Variants in TUBGCP3 observed in about 807,000 individuals in gnomAD.
The protein encoded by TUBGCP3 is tubulin gamma complex component 3.
In TUBGCP3, 50 loss-of-function variants were observed where a neutral mutation model predicts 123.1. The ratio of observed to expected loss-of-function variants is 0.41; its 90% CI spans 0.32 to 0.51. The LOEUF (loss-of-function observed/expected upper bound fraction) is 0.51, where lower values mean the gene tolerates loss of function less well. TUBGCP3 is among the 20% of genes least tolerant of loss of function. The pLI is 0.36. For synonymous variants in TUBGCP3, 405 were observed against 413.9 expected (o/e 0.98, Z 0.26); for missense variants, 882 against 1,127.0 (o/e 0.78, Z 3.11).
At chr13:112,588,999 C>G (rs1882811827), upstream of TUBGCP3, among the ~76,000 whole-genome samples, 1 of 152,180 alleles carries the variant, frequency 6.6e-6, no homozygotes, top group Non-Finnish European at 1.5e-5. Flanking sequence ...AACATGGAGA[C>G]AAAGCAGACT....
At chr13:112,588,600 G>A (rs1386940658), upstream of TUBGCP3, among the ~76,000 whole-genome samples, 1 of 152,194 alleles carries the variant, frequency 6.6e-6, no homozygotes, top group African/African-American at 2.4e-5. Context: ...TGCCGCGCGG[G>A]CCGGTCCCCC....
intron 20 of TUBGCP3, among the ~76,000 whole-genome samples, chr13:112,497,123 A>G (rs1880582344): frequency 6.6e-6 from 1 of 152,224 alleles, no homozygotes; most frequent in Non-Finnish European, 1.5e-5. Flanking sequence ...TGCCTACTAA[A>G]TAAGCGTCAT....
chr13:112,544,952 A>G, intron 11 of TUBGCP3: 2 of 152,328 alleles, frequency 1.3e-5, no homozygotes, highest in East Asian at 3.8e-4. Flanking sequence ...CACTGCAGCC[A>G]GCAGCGCCCA....
intron 20 of TUBGCP3, among the ~76,000 whole-genome samples, chr13:112,492,616 C>T (rs557156265): frequency 6.6e-6 from 1 of 152,168 alleles, no homozygotes; most frequent in South Asian, 2.1e-4. Context: ...GCCTGGTGTG[C>T]CTGAGACGCT....
chr13:112,593,837 C>T, the TUBGCP3 span, among the ~76,000 whole-genome samples: 4 of 151,660 alleles, frequency 2.6e-5, no homozygotes, highest in African/African-American at 9.7e-5. Flanking sequence ...CAGAAATATG[C>T]CAAATCAGGA....
Position 112,544,241 on chromosome 13 carries a change from C to A in TUBGCP3, c.1335+1458G>T, listed in dbSNP as rs1419861419. On this transcript the variant is annotated intron_variant, in intron 11 of 21. Transcript: ENST00000261965. ...GGCCAAGGCGGGCAGATCACAAGGTCAGGAGATCGAGACCATCCTGGCTAA... is the reference window on the plus strand; with the variant it reads ...GGCCAAGGCGGGCAGATCACAAGGTAAGGAGATCGAGACCATCCTGGCTAA... 1.2e-4 allele frequency among the ~76,000 whole-genome samples: 18 copies of A among 151,980 alleles called. 1 individual carries two copies. Among genetic ancestry groups the A allele is most frequent in the Admixed American group, 1.2e-3 (18 of 15,258 alleles).
At position 112,565,059 on chromosome 13, in the gene TUBGCP3, T is replaced by TC. The variant is rs1566582839; in HGVS notation, c.252+51dup. 9.4e-6 allele frequency: 14 copies of TC among 1,494,846 alleles called. No homozygotes were observed. In the East Asian group the frequency reaches 3.2e-4, roughly 34 times the overall value. The allele number at this position is 1,494,846 out of a possible 1,614,324, so 92.6% of individuals were successfully genotyped here. ...AAACATTCAAAGGTTCCTATACCAC[T>TC]CATCATATCCTCAACAATGAGTGCA... is the stretch of plus-strand genomic sequence containing the variant. On this transcript the variant is annotated intron_variant, in intron 3 of 21. Coordinates refer to ENST00000261965, the MANE Select transcript of TUBGCP3 (RefSeq NM_006322.6).
At chr13:112,589,424 A>G (rs1004938673), upstream of TUBGCP3, among the ~76,000 whole-genome samples, 1 of 152,194 alleles carries the variant, frequency 6.6e-6, no homozygotes, top group African/African-American at 2.4e-5. Flanking sequence ...AAGGTATTAC[A>G]CTGGTTATGC....
intron 8 of TUBGCP3, among the ~76,000 whole-genome samples, chr13:112,549,277 T>C (rs574458213): frequency 5.3e-4 from 80 of 151,854 alleles, no homozygotes; most frequent in Non-Finnish European, 9.0e-4. Flanking sequence ...CAGGTGGGAA[T>C]TGAACAATGA....
At chr13:112,527,661 T>C (rs1397808206) in intron 11 of TUBGCP3, among the ~76,000 whole-genome samples, 177 bp from the exon 12 acceptor site, 14 of 152,264 alleles carry the variant, frequency 9.2e-5, no homozygotes, top group Admixed American at 9.2e-4. Flanking sequence ...AATTGAACTA[T>C]GTATTTCCTA....
chr13:112,548,214 T>A (rs756486017), intron 8 of TUBGCP3, 38 bp from the exon 9 acceptor site: 25 of 1,496,482 alleles, frequency 1.7e-5, no homozygotes, highest in Non-Finnish European at 2.1e-5. Flanking sequence ...CACGACACAC[T>A]CATTACACAT....
intron 12 of TUBGCP3, 111 bp from the exon 13 acceptor site, chr13:112,527,161 C>T: frequency 1.0e-6 from 1 of 953,338 alleles, no homozygotes; most frequent in South Asian, 1.6e-5. Flanking sequence ...CTAACAAGAG[C>T]ATCTGCTACA....
chr13:112,504,717 G>A lies in TUBGCP3; in HGVS notation c.2087-3C>T. On this transcript the variant is annotated splice_polypyrimidine_tract_variant and splice_region_variant and intron_variant, in intron 17 of 21. Transcript: ENST00000261965. ...CTGGTGCAGCACCCCGGAGAACTCT[G>A]CAAGGGAAGAGTTGACGTCAGAGGT... 6.2e-7 allele frequency: 1 copy of A among 1,612,586 alleles called. No individual in the cohort carries two copies. Among genetic ancestry groups the A allele is most frequent in the African/African-American group, 1.3e-5 (1 of 74,980 alleles).
At chr13:112,547,432 C>A (rs1181161124) in intron 10 of TUBGCP3, 188 bp downstream of exon 10, 1 of 1,004,512 alleles carries the variant, frequency 1.0e-6, no homozygotes, top group East Asian at 3.2e-5. Context: ...AGGACAAAAA[C>A]GGGCAGGACA....
intron 17 of TUBGCP3, among the ~76,000 whole-genome samples, chr13:112,513,185 T>C (rs551729207): frequency 1.3e-5 from 2 of 152,350 alleles, no homozygotes; most frequent in South Asian, 4.1e-4. Context: ...ATTGGTCCAT[T>C]TCATTTTGTG....
intron 17 of TUBGCP3, among the ~76,000 whole-genome samples, chr13:112,506,157 C>T (rs1181327046): frequency 2.0e-5 from 3 of 152,206 alleles, no homozygotes; most frequent in African/African-American, 7.2e-5. Flanking sequence ...TTAGACAATG[C>T]ACCTTTCAGA....
upstream of TUBGCP3, chr13:112,588,156 G>A (rs1382626131): frequency 2.1e-6 from 1 of 478,926 alleles, no homozygotes; most frequent in Non-Finnish European, 3.5e-6. Flanking sequence ...GAAAGCGCGG[G>A]CGCTTCCCAC....
intron 1 of TUBGCP3, among the ~76,000 whole-genome samples, chr13:112,569,993 G>C (rs1189417804): frequency 6.6e-6 from 1 of 152,100 alleles, no homozygotes; most frequent in African/African-American, 2.4e-5. Flanking sequence ...GCCCAGGCAG[G>C]CTCAGGAAAG....
At chr13:112,561,985 T>C (rs1211286159) in intron 3 of TUBGCP3, among the ~76,000 whole-genome samples, 2 of 152,158 alleles carry the variant, frequency 1.3e-5, no homozygotes, top group Admixed American at 1.3e-4. Flanking sequence ...TGAAAACCAT[T>C]TGATACGAAG....
Sources: gnomAD v4.1 joint callset for allele counts (sites outside exome capture counted in the v4.1 genomes callset) on GRCh38, gnomAD v4.1.1 for gene constraint, MANE v1.5 for transcripts, NCBI Gene and HGNC (gene_info 2026-07-23, HGNC 2026-07-21) for gene names.